PCDHA11: variants seen among roughly 807,000 people sequenced by gnomAD.
PCDHA11 encodes the protein protocadherin alpha 11, also known as protocadherin alpha-11.
PCDHA11 carries 61 observed loss-of-function variants against 70.3 expected under a neutral mutation model. The observed-to-expected ratio is 0.87, with a 90% CI of 0.71 to 1.07. The LOEUF is 1.07. Ranked by LOEUF, PCDHA11 falls within the 50% of genes least tolerant of loss-of-function variation. The pLI is 0.00. For synonymous variants in PCDHA11, 633 were observed against 555.1 expected (o/e 1.14, Z -1.97); for missense variants, 1,324 against 1,237.5 (o/e 1.07, Z -1.05).
At chr5:140,926,053 C>T (rs768010675) in intron 1 of PCDHA11, among the ~76,000 whole-genome samples, 10 of 152,230 alleles carry the variant, frequency 6.6e-5, no homozygotes, top group Non-Finnish European at 1.5e-4. Context: ...CCCCAACCTT[C>T]TTCCCCTCCT....
At position 140,982,572 on chromosome 5, in the gene PCDHA11, C is replaced by G. The variant is rs782271002; in HGVS notation, c.2539+9C>G. 1 of 1,613,760 alleles carries G rather than the reference C, an allele frequency of 6.2e-7. No homozygotes were observed. Among genetic ancestry groups the G allele is most frequent in the Non-Finnish European group, 8.5e-7 (1 of 1,179,726 alleles). On this transcript the variant is annotated intron_variant, in intron 3 of 3. Transcript: ENST00000398640. ...ATCCAGTGCAACACCAGGTAAAGAGCTGGGGTCTCTCCATTCTTTCTTGGT... is the reference window on the plus strand; with the variant it reads ...ATCCAGTGCAACACCAGGTAAAGAGGTGGGGTCTCTCCATTCTTTCTTGGT...
chr5:140,912,235 C>G (rs562096532), intron 1 of PCDHA11, among the ~76,000 whole-genome samples: 2 of 151,858 alleles, frequency 1.3e-5, no homozygotes, highest in South Asian at 4.2e-4. Context: ...TCCACTGACT[C>G]AAATGTTAAT....
At chr5:140,884,329 G>T (rs782258780) in intron 1 of PCDHA11, 1 of 1,613,760 alleles carries the variant, frequency 6.2e-7, no homozygotes, top group Non-Finnish European at 8.5e-7. Flanking sequence ...CAGGCGCTGT[G>T]GGTCCAGAAG....
At chr5:140,966,798 C>T in intron 1 of PCDHA11, 1 of 1,537,636 alleles carries the variant, frequency 6.5e-7, no homozygotes, top group Non-Finnish European at 8.7e-7. Context: ...CCTGCGGCGA[C>T]AGAGCATCCA....
chr5:141,000,392 T>TATAA (rs2097913276), intron 3 of PCDHA11, among the ~76,000 whole-genome samples: 1 of 62,986 alleles, frequency 1.6e-5, no homozygotes, highest in African/African-American at 7.3e-5. Context: ...TCTCTCTCTC[T>TATAA]CTCTATATAT....
intron 1 of PCDHA11, chr5:140,969,571 G>A: frequency 9.5e-7 from 1 of 1,050,970 alleles, no homozygotes; most frequent in Non-Finnish European, 1.3e-6. Context: ...AATTGTTTGA[G>A]AAGTGAGGAT....
At chr5:140,952,349 A>T (rs1554220373) in intron 1 of PCDHA11, among the ~76,000 whole-genome samples, 2 of 152,000 alleles carry the variant, frequency 1.3e-5, no homozygotes, top group African/African-American at 4.8e-5. Flanking sequence ...AAAAAAAAAA[A>T]AAAAAGAAAG....
Position 141,009,979 on chromosome 5 carries a change from T to C in PCDHA11, c.*42T>C. 2.5e-6 allele frequency: 4 copies of C among 1,583,392 alleles called. No individual in the cohort carries two copies. Among genetic ancestry groups the C allele is most frequent in the Non-Finnish European group, 3.4e-6 (4 of 1,168,152 alleles). On this transcript the variant is annotated 3_prime_UTR_variant, in exon 4 of 4. Coordinates refer to ENST00000398640, the MANE Select transcript of PCDHA11 (RefSeq NM_018902.5). The stretch of plus-strand genomic sequence containing the variant: ...CAAGCCACTTAGCCAGTTTTTGTAA[T>C]AATGGCAAATCTCTCCCATGTAGCA...
At chr5:140,975,779 A>G (rs1439511378) in intron 1 of PCDHA11, among the ~76,000 whole-genome samples, 1 of 152,118 alleles carries the variant, frequency 6.6e-6, no homozygotes, top group Non-Finnish European at 1.5e-5. Context: ...TAATACCATT[A>G]CAAGATAAAT....
chr5:140,987,165 G>A lies in PCDHA11; in HGVS notation c.2539+4602G>A, dbSNP rs191129148. Among the ~76,000 whole-genome samples, 1,195 of 151,202 alleles carry A rather than the reference G, an allele frequency of 7.9e-3. 19 individuals are homozygous for A. The highest frequency in any genetic ancestry group is 0.027 in the African/African-American group (1,126 of 41,156). On this transcript the variant is annotated intron_variant, in intron 3 of 3. Transcript: ENST00000398640. ...GGAGGTGGAGGTTGCAGTGAGCTGA[G>A]ATTGCACCACTGCACTCCAGCCTGG...
intron 1 of PCDHA11, among the ~76,000 whole-genome samples, chr5:140,946,611 A>AATATATATATATATATATATAT (rs1554217734): frequency 0.012 from 1,017 of 86,324 alleles, 26 homozygotes; most frequent in Middle Eastern, 0.016. Flanking sequence ...GAAAATGTGA[A>AATATATATATATATATATATAT]ATATATATAT....
At chr5:140,913,166 GTTC>G (rs1273182839) in intron 1 of PCDHA11, among the ~76,000 whole-genome samples, 1 of 152,160 alleles carries the variant, frequency 6.6e-6, no homozygotes, top group Non-Finnish European at 1.5e-5. Flanking sequence ...ATTGGTATTA[GTTC>G]TTCTTTAAAT....
rs10602499 is a variant in PCDHA11 at position 140,992,017 on chromosome 5, C to CTGTGTGTGTG, written c.2539+9482_2539+9491dup. Among the ~76,000 whole-genome samples, 121 of 145,620 alleles carry CTGTGTGTGTG rather than the reference C, an allele frequency of 8.3e-4. 2 individuals are homozygous for CTGTGTGTGTG. The highest frequency in any genetic ancestry group is 3.5e-3 in the Middle Eastern group (1 of 288). ...CTTTCATGTTCAGGCAGAGGTGGCT[C>CTGTGTGTGTG]TGTGTGTGTGTGTGTGTGTGTGTGT... On this transcript the variant is annotated intron_variant, in intron 3 of 3. Transcript: ENST00000398640.
In PCDHA11 at chr5:140,868,993, T is replaced by C. The variant is rs1441909187; in HGVS notation, c.-111T>C. 2 of 1,515,702 alleles carry C rather than the reference T, an allele frequency of 1.3e-6. No individual in the cohort carries two copies. Among genetic ancestry groups the C allele is most frequent in the Non-Finnish European group, 8.8e-7 (1 of 1,134,624 alleles). The allele number at this position is 1,515,702 out of a possible 1,614,324, so 93.9% of individuals were successfully genotyped here. ...CTCCATCATACCGGATGCCACCGTT[T>C]AAGGATCCTTTGAAACTTCTTAAGA... On this transcript the variant is annotated 5_prime_UTR_variant, in exon 1 of 4. Transcript: ENST00000398640.
At chr5:140,873,008 A>G (rs1455373788) in intron 1 of PCDHA11, among the ~76,000 whole-genome samples, 2 of 152,166 alleles carry the variant, frequency 1.3e-5, no homozygotes, top group African/African-American at 4.8e-5. Flanking sequence ...GTCATTCTTC[A>G]TATTTAGTTA....
At chr5:140,876,668 C>T (rs2056489032) in intron 1 of PCDHA11, 1 of 1,614,198 alleles carries the variant, frequency 6.2e-7, no homozygotes, top group Non-Finnish European at 8.5e-7. Flanking sequence ...AAGCTGGTGT[C>T]CACCTACAAG....
intron 1 of PCDHA11, among the ~76,000 whole-genome samples, chr5:140,954,160 A>G (rs1231258623): frequency 6.6e-6 from 1 of 152,188 alleles, no homozygotes; most frequent in Non-Finnish European, 1.5e-5. Flanking sequence ...TATATGTACC[A>G]CATTTTCTTT....
At chr5:141,008,488 C>A (rs1300609417) in intron 3 of PCDHA11, among the ~76,000 whole-genome samples, 1 of 152,124 alleles carries the variant, frequency 6.6e-6, no homozygotes, top group Non-Finnish European at 1.5e-5. Flanking sequence ...CTAGAAGTCA[C>A]TGGTATACTT....
At chr5:140,960,455 T>A (rs1585839337) in intron 1 of PCDHA11, among the ~76,000 whole-genome samples, 3 of 152,274 alleles carry the variant, frequency 2.0e-5, no homozygotes, top group African/African-American at 7.2e-5. Flanking sequence ...ATGGATAATT[T>A]TGAGAAGTAA....
Sources: gnomAD v4.1 joint callset for allele counts (sites outside exome capture counted in the v4.1 genomes callset) on GRCh38, gnomAD v4.1.1 for gene constraint, MANE v1.5 for transcripts, NCBI Gene and HGNC (gene_info 2026-07-23, HGNC 2026-07-21) for gene names.